The following PPFIA2 variants were observed in gnomAD, a reference collection of about 807,000 sequenced individuals.
PPFIA2 encodes liprin-alpha-2.
Under a neutral mutation model 175.5 loss-of-function variants are expected in PPFIA2, and 46 were observed. The ratio of observed to expected loss-of-function variants is 0.26; its 90% CI spans 0.21 to 0.34. PPFIA2 has a LOEUF of 0.34. Among genes scored for constraint, PPFIA2 ranks in the 10% least tolerant of loss-of-function variants. The pLI is 1.00. For synonymous variants in PPFIA2, 568 were observed against 511.4 expected (o/e 1.11, Z -1.49); for missense variants, 1,179 against 1,506.1 (o/e 0.78, Z 3.60).
chr12:81,685,359 A>T (rs1284609444), intron 3 of PPFIA2, among the ~76,000 whole-genome samples: 29 of 152,114 alleles, frequency 1.9e-4, no homozygotes, highest in African/African-American at 7.0e-4. Context: ...GGAAACATAC[A>T]GACCAATTTT....
At chr12:81,347,818 C>CCATT (rs764469307) in intron 17 of PPFIA2, 48 bp from the exon 18 acceptor site, 1 of 1,591,498 alleles carries the variant, frequency 6.3e-7, no homozygotes, top group Non-Finnish European at 8.5e-7. Context: ...TAATATGGAT[C>CCATT]CATTATATGC....
intron 4 of PPFIA2, among the ~76,000 whole-genome samples, chr12:81,460,784 C>A (rs932215473): frequency 4.6e-5 from 7 of 152,020 alleles, no homozygotes; most frequent in African/African-American, 1.4e-4. Context: ...CTCTGCCAAG[C>A]AATTTATATT....
In PPFIA2 at chr12:81,497,556, T is replaced by TG. The variant is rs750919570; in HGVS notation, c.304-39691dup. Among the ~76,000 whole-genome samples, 34 of 142,088 alleles carry TG rather than the reference T, an allele frequency of 2.4e-4. 1 individual carries two copies. Among genetic ancestry groups the TG allele is most frequent in the South Asian group, 2.2e-3 (9 of 4,176 alleles). 93.2% of individuals were successfully genotyped at this position (142,088 alleles called of 152,430 possible). A position where few individuals can be genotyped will look rare whatever the true frequency, so the allele number is the denominator to read the frequency against. Reference sequence around the variant, plus strand: ...TTTTTTTTTTTTTTTTTTTTTTTTTTGGGGCAGAGTTTTGCTCTTATTGCC... The same window carrying TG: ...TTTTTTTTTTTTTTTTTTTTTTTTTTGGGGGCAGAGTTTTGCTCTTATTGCC... On this transcript the variant is annotated intron_variant, in intron 4 of 32. Coordinates refer to ENST00000549396, the MANE Select transcript of PPFIA2 (RefSeq NM_003625.5).
At chr12:81,268,132 CTTTTTT>C (rs746893824) in intron 28 of PPFIA2, 45 bp from the exon 29 acceptor site, 322 of 636,956 alleles carry the variant, frequency 5.1e-4, no homozygotes, top group African/African-American at 1.7e-3. Context: ...ATTTTTCTTT[CTTTTTT>C]TTTTTTTTTT....
chr12:81,470,367 A>G (rs183783570), intron 4 of PPFIA2, among the ~76,000 whole-genome samples: 1 of 152,340 alleles, frequency 6.6e-6, no homozygotes, highest in Non-Finnish European at 1.5e-5. Flanking sequence ...ATGAAAGTCA[A>G]AAGCACAGTG....
intron 3 of PPFIA2, among the ~76,000 whole-genome samples, chr12:81,692,066 C>G (rs1201492090): frequency 2.1e-5 from 3 of 144,708 alleles, no homozygotes; most frequent in Non-Finnish European, 4.5e-5. Context: ...TTTCTCTCTT[C>G]CTCTCTCTCT....
chr12:81,633,231 C>T (rs187206405), intron 4 of PPFIA2, among the ~76,000 whole-genome samples: 1 of 152,166 alleles, frequency 6.6e-6, no homozygotes, highest in Admixed American at 6.5e-5. Context: ...CAATCTCATA[C>T]ACTTTGAATA....
intron 22 of PPFIA2, among the ~76,000 whole-genome samples, chr12:81,317,220 G>A (rs1170362038): frequency 2.6e-5 from 4 of 151,446 alleles, no homozygotes; most frequent in African/African-American, 9.7e-5. Flanking sequence ...ATAGATATTA[G>A]GTATATCAAG....
intron 4 of PPFIA2, among the ~76,000 whole-genome samples, chr12:81,500,412 G>T (rs1329935372): frequency 6.6e-6 from 1 of 152,148 alleles, no homozygotes; most frequent in African/African-American, 2.4e-5. Context: ...ATTTCCATGA[G>T]TGTTTATGGA....
intron 3 of PPFIA2, among the ~76,000 whole-genome samples, chr12:81,692,223 A>G (rs2075342102): frequency 6.6e-6 from 1 of 151,988 alleles, no homozygotes; most frequent in African/African-American, 2.4e-5. Flanking sequence ...ACCACTAGCC[A>G]GGAAAGGAAG....
At chr12:81,350,605 G>T (rs2059849389) in intron 17 of PPFIA2, 1 of 152,136 alleles carries the variant, frequency 6.6e-6, no homozygotes, top group Non-Finnish European at 1.5e-5. Flanking sequence ...AAGGTAAATG[G>T]TTAGAGAATG....
At chr12:81,464,018 C>T (rs1198022741) in intron 4 of PPFIA2, among the ~76,000 whole-genome samples, 1 of 152,012 alleles carries the variant, frequency 6.6e-6, no homozygotes, top group Admixed American at 6.6e-5. Context: ...CTAATATTCC[C>T]AGTTGTTACC....
intron 17 of PPFIA2, among the ~76,000 whole-genome samples, chr12:81,348,118 A>T (rs1368157649): frequency 6.6e-6 from 1 of 152,148 alleles, no homozygotes; most frequent in East Asian, 1.9e-4. Flanking sequence ...TGACCTCAGG[A>T]ACCACTAAAA....
At chr12:81,448,070 T>A (rs565693787) in intron 5 of PPFIA2, among the ~76,000 whole-genome samples, 2 of 152,136 alleles carry the variant, frequency 1.3e-5, no homozygotes, top group African/African-American at 2.4e-5. Context: ...CATATCAGCA[T>A]CCAATTTTGC....
chr12:81,633,556 C>T (rs910593053), intron 4 of PPFIA2, among the ~76,000 whole-genome samples: 68 of 151,798 alleles, frequency 4.5e-4, no homozygotes, highest in African/African-American at 1.6e-3. Context: ...AAAAAAAATA[C>T]CCAAAGAGGC....
intron 3 of PPFIA2, among the ~76,000 whole-genome samples, chr12:81,708,239 T>C (rs2153611675): frequency 6.6e-6 from 1 of 152,058 alleles, no homozygotes; most frequent in Non-Finnish European, 1.5e-5. Flanking sequence ...AGTAATAATA[T>C]ACATTGTGTT....
chr12:81,616,503 C>T (rs1567586176), intron 4 of PPFIA2, among the ~76,000 whole-genome samples: 2 of 152,078 alleles, frequency 1.3e-5, no homozygotes, highest in African/African-American at 4.8e-5. Context: ...TACATATTGA[C>T]ACTGAATTAT....
chr12:81,477,347 A>C (rs993075870), intron 4 of PPFIA2, among the ~76,000 whole-genome samples: 3 of 152,198 alleles, frequency 2.0e-5, no homozygotes, highest in African/African-American at 7.2e-5. Context: ...GCCTTTGACA[A>C]AGTTCCTTTG....
At chr12:81,641,774 T>C (rs1276188810) in intron 4 of PPFIA2, among the ~76,000 whole-genome samples, 2 of 152,054 alleles carry the variant, frequency 1.3e-5, no homozygotes, top group East Asian at 3.9e-4. Context: ...TCCCACCCCA[T>C]AGAATCATAG....
Sources: allele counts gnomAD v4.1 joint callset (sites outside exome capture counted in the v4.1 genomes callset), GRCh38; gene constraint gnomAD v4.1.1; transcripts MANE v1.5; gene names NCBI Gene and HGNC (gene_info 2026-07-23, HGNC 2026-07-21).